The following USP37 variants were observed in gnomAD, a reference collection of about 807,000 sequenced individuals.
USP37 encodes the protein ubiquitin carboxyl-terminal hydrolase 37.
USP37 carries 27 observed loss-of-function variants against 124.0 expected under a neutral mutation model. The observed-to-expected ratio is 0.22, with a 90% CI of 0.16 to 0.30. The LOEUF is 0.30. USP37 is among the 10% of genes least tolerant of loss of function. The pLI is 1.00. For synonymous variants in USP37, 365 were observed against 388.0 expected (o/e 0.94, Z 0.70); for missense variants, 889 against 1,140.4 (o/e 0.78, Z 3.17).
chr2:218,539,551 C>CA (rs1317360662), intron 8 of USP37, among the ~76,000 whole-genome samples: 1 of 151,390 alleles, frequency 6.6e-6, no homozygotes, highest in Non-Finnish European at 1.5e-5. Context: ...CCCGTCTCTA[C>CA]AAAAAATACA....
chr2:218,524,856 C>T (rs776781175), intron 10 of USP37, among the ~76,000 whole-genome samples: 11 of 152,200 alleles, frequency 7.2e-5, no homozygotes, highest in Non-Finnish European at 1.0e-4. Context: ...GTGATCCACC[C>T]GCCTTGGCCT....
At chr2:218,462,165 G>GA (rs879817155) in intron 22 of USP37, among the ~76,000 whole-genome samples, 69 of 142,462 alleles carry the variant, frequency 4.8e-4, no homozygotes, top group Admixed American at 5.6e-4. Flanking sequence ...CTCAAAAAAA[G>GA]AAAAAAAAAA....
chr2:218,472,208 A>C (rs1266857016), intron 20 of USP37, among the ~76,000 whole-genome samples: 2 of 152,106 alleles, frequency 1.3e-5, no homozygotes, highest in Non-Finnish European at 2.9e-5. Context: ...AGGCCATCTT[A>C]ATGTTTAATC....
At chr2:218,564,087 A>G (rs1194904980) in intron 1 of USP37, among the ~76,000 whole-genome samples, 3 of 152,108 alleles carry the variant, frequency 2.0e-5, no homozygotes, top group African/African-American at 7.2e-5. Flanking sequence ...AAGAAAAAAA[A>G]AGAAGCTCCC....
chr2:218,490,549 G>C (rs1691873436), intron 14 of USP37, among the ~76,000 whole-genome samples: 1 of 152,042 alleles, frequency 6.6e-6, no homozygotes, highest in Admixed American at 6.6e-5. Flanking sequence ...CAGTACTTTA[G>C]GTAATATTCA....
chr2:218,534,905 A>G (rs1691534576), intron 8 of USP37, among the ~76,000 whole-genome samples, 199 bp from the exon 9 acceptor site: 1 of 152,210 alleles, frequency 6.6e-6, no homozygotes, highest in African/African-American at 2.4e-5. Context: ...TTTAATTACT[A>G]TCTCAAGAGC....
At chr2:218,544,406 A>AAATATATATATATATAT (rs1312705279) in intron 8 of USP37, among the ~76,000 whole-genome samples, 4 of 82,970 alleles carry the variant, frequency 4.8e-5, no homozygotes, top group South Asian at 4.0e-4. Flanking sequence ...AAAAAAAAAA[A>AAATATATATATATATAT]ATATATATAT....
intron 11 of USP37, among the ~76,000 whole-genome samples, chr2:218,509,593 T>A (rs879783140): frequency 5.3e-5 from 8 of 151,874 alleles, no homozygotes; most frequent in South Asian, 2.1e-4. Flanking sequence ...AAAAAAAAAA[T>A]TTAAAAGATA....
Position 218,556,618 on chromosome 2 carries a change from A to G in USP37, c.156+1880T>C, listed in dbSNP as rs547902138. Among the ~76,000 whole-genome samples, 6 of 139,750 alleles carry G rather than the reference A, an allele frequency of 4.3e-5. No individual in the cohort carries two copies. In the South Asian group the frequency reaches 1.3e-3, roughly 31 times the overall value. The allele number at this position is 139,750 out of a possible 152,430, so 91.7% of individuals were successfully genotyped here. On this transcript the variant is annotated intron_variant, in intron 4 of 25. Coordinates refer to ENST00000258399, the MANE Select transcript of USP37 (RefSeq NM_020935.3). ...AACCTCTGCCTCCCGGATTCAAGCT[A>G]TTCTCCTGCTTCAGCCTCCCGAGTA...
chr2:218,483,663 C>T (rs1024729054), intron 16 of USP37, among the ~76,000 whole-genome samples: 6 of 150,322 alleles, frequency 4.0e-5, no homozygotes, highest in African/African-American at 7.3e-5. Flanking sequence ...TTTTTCCCCC[C>T]ACTTGAAAAA....
At chr2:218,505,486 T>C (rs1003065232) in intron 11 of USP37, among the ~76,000 whole-genome samples, 1 of 152,226 alleles carries the variant, frequency 6.6e-6, no homozygotes, top group Non-Finnish European at 1.5e-5. Context: ...GAAGAGCAAA[T>C]GTGTGTATAG....
At chr2:218,523,818 C>T (rs1046954280) in intron 10 of USP37, among the ~76,000 whole-genome samples, 1 of 152,160 alleles carries the variant, frequency 6.6e-6, no homozygotes, top group Admixed American at 6.5e-5. Context: ...CTGTTTTTCC[C>T]CTTTCCAATC....
chr2:218,459,654 A>G (rs991577867), intron 23 of USP37, 136 bp downstream of exon 23: 2 of 603,560 alleles, frequency 3.3e-6, no homozygotes, highest in African/African-American at 1.9e-5. Flanking sequence ...TGACAAGAGA[A>G]AATGAGACCA....
intron 16 of USP37, among the ~76,000 whole-genome samples, chr2:218,482,843 T>A (rs1691336320): frequency 6.6e-6 from 1 of 152,322 alleles, no homozygotes; most frequent in East Asian, 1.9e-4. Context: ...AAGCACTGAA[T>A]TCTTTGTGGT....
chr2:218,557,357 A>G (rs1693047607), intron 4 of USP37, among the ~76,000 whole-genome samples: 1 of 152,176 alleles, frequency 6.6e-6, no homozygotes, highest in South Asian at 2.1e-4. Flanking sequence ...GATTGAAAAA[A>G]AAATGAGCCT....
At chr2:218,498,188 G>GCAA in intron 11 of USP37, 31 bp from the exon 12 acceptor site, 1 of 1,556,712 alleles carries the variant, frequency 6.4e-7, no homozygotes, top group Non-Finnish European at 8.6e-7. Context: ...GCTTTAGAAG[G>GCAA]CAACAGGAAT....
chr2:218,492,410 T>A (rs999712014), intron 14 of USP37, among the ~76,000 whole-genome samples: 7 of 151,568 alleles, frequency 4.6e-5, no homozygotes, highest in Non-Finnish European at 1.0e-4. Flanking sequence ...GAGATGGGGG[T>A]AGGAGTGCTG....
intron 8 of USP37, among the ~76,000 whole-genome samples, chr2:218,542,880 A>T (rs1440848336): frequency 6.6e-6 from 1 of 152,238 alleles, no homozygotes; most frequent in Non-Finnish European, 1.5e-5. Flanking sequence ...CCTTGAATAT[A>T]CAAAATTTGT....
intron 3 of USP37, among the ~76,000 whole-genome samples, chr2:218,559,428 G>T (rs556669431): frequency 6.6e-5 from 10 of 152,228 alleles, no homozygotes; most frequent in African/African-American, 2.2e-4. Context: ...AGCAATCTAA[G>T]CATATCCGTA....
Sources: gnomAD v4.1 joint callset for allele counts (sites outside exome capture counted in the v4.1 genomes callset) on GRCh38, gnomAD v4.1.1 for gene constraint, MANE v1.5 for transcripts, NCBI Gene and HGNC (gene_info 2026-07-23, HGNC 2026-07-21) for gene names.